SGCZ: variants seen among roughly 807,000 people sequenced by gnomAD.
SGCZ encodes the protein sarcoglycan zeta.
A neutral mutation model predicts 41.3 loss-of-function variants in SGCZ; 40 were observed. The ratio of observed to expected loss-of-function variants is 0.97; its 90% CI spans 0.75 to 1.26. The LOEUF (loss-of-function observed/expected upper bound fraction) is 1.26, where lower values mean the gene tolerates loss of function less well. Among genes scored for constraint, SGCZ ranks in the 50% most tolerant of loss-of-function variants. The pLI, the probability that SGCZ is intolerant of heterozygous loss-of-function variation, is 0.00. For missense variants in SGCZ, 552 were observed against 369.8 expected (o/e 1.49, Z -4.04); for synonymous variants, 206 against 137.5 (o/e 1.50, Z -3.49).
At chr8:14,144,516 C>G (rs1417512623) in intron 5 of SGCZ, among the ~76,000 whole-genome samples, 3 of 152,210 alleles carry the variant, frequency 2.0e-5, no homozygotes, top group Non-Finnish European at 4.4e-5. Flanking sequence ...GATGTTGAGA[C>G]ATGGTGGCTT....
At chr8:14,618,258 T>C (rs1181516104) in intron 1 of SGCZ, among the ~76,000 whole-genome samples, 1 of 152,154 alleles carries the variant, frequency 6.6e-6, no homozygotes, top group Non-Finnish European at 1.5e-5. Context: ...ACAAGGTCTT[T>C]GGAGGAAAGA....
intron 1 of SGCZ, among the ~76,000 whole-genome samples, chr8:14,838,301 G>A (rs914745738): frequency 1.6e-4 from 24 of 152,064 alleles, no homozygotes; most frequent in Non-Finnish European, 3.4e-4. Context: ...TTGATGTTTG[G>A]TATCTTAAAA....
chr8:15,016,839 G>T (rs1172324201), intron 1 of SGCZ, among the ~76,000 whole-genome samples: 1 of 152,076 alleles, frequency 6.6e-6, no homozygotes, highest in Non-Finnish European at 1.5e-5. Context: ...ATGGTGGAAG[G>T]CAAAGGGAAT....
chr8:14,426,223 T>C (rs1160039851), intron 2 of SGCZ, among the ~76,000 whole-genome samples: 2 of 152,128 alleles, frequency 1.3e-5, no homozygotes, highest in East Asian at 3.9e-4. Flanking sequence ...ACTATACAAG[T>C]CTAAGAAATA....
intron 2 of SGCZ, among the ~76,000 whole-genome samples, chr8:14,514,789 G>A (rs1448148220): frequency 2.8e-5 from 1 of 35,840 alleles, no homozygotes; most frequent in African/African-American, 1.9e-4. Flanking sequence ...GTAAATGTGT[G>A]TGTGTGTGTG....
At chr8:14,583,408 C>T (rs1804958350) in intron 1 of SGCZ, among the ~76,000 whole-genome samples, 1 of 152,006 alleles carries the variant, frequency 6.6e-6, no homozygotes, top group Admixed American at 6.6e-5. Context: ...GATATTAGCC[C>T]TTTGTCAGAT....
chr8:14,696,351 C>G (rs12544512), intron 1 of SGCZ, among the ~76,000 whole-genome samples: 28,389 of 151,994 alleles, frequency 0.19, 3,424 homozygotes, highest in East Asian at 0.45. Context: ...TCTCCCCTGA[C>G]TGAGTGAGAC....
chr8:14,107,456 C>T (rs996546989), intron 6 of SGCZ, among the ~76,000 whole-genome samples: 2 of 152,090 alleles, frequency 1.3e-5, no homozygotes, highest in African/African-American at 4.8e-5. Flanking sequence ...TGAGGAACCC[C>T]ATCATAGTCC....
At chr8:14,542,831 A>C (rs1479797834) in intron 2 of SGCZ, among the ~76,000 whole-genome samples, 3 of 152,072 alleles carry the variant, frequency 2.0e-5, no homozygotes, top group African/African-American at 7.2e-5. Flanking sequence ...CATCATTTTT[A>C]GATCTCTCTG....
chr8:15,011,192 A>C (rs968923630), intron 1 of SGCZ, among the ~76,000 whole-genome samples: 1 of 152,200 alleles, frequency 6.6e-6, no homozygotes, highest in Non-Finnish European at 1.5e-5. Flanking sequence ...TATCCTACAT[A>C]GTTAAAGTAG....
At chr8:15,219,813 A>C (rs117924223) in intron 1 of SGCZ, among the ~76,000 whole-genome samples, 4,153 of 152,320 alleles carry the variant, frequency 0.027, 98 homozygotes, top group Middle Eastern at 0.044. Flanking sequence ...CCAGTTTTCC[A>C]AAGCAACTTT....
At chr8:15,167,403 T>C (rs894903418) in intron 1 of SGCZ, among the ~76,000 whole-genome samples, 2 of 152,018 alleles carry the variant, frequency 1.3e-5, no homozygotes, top group African/African-American at 4.8e-5. Context: ...GTAAAGACTG[T>C]CACTTTCTAA....
intron 1 of SGCZ, among the ~76,000 whole-genome samples, chr8:14,772,001 C>A (rs1333354646): frequency 6.6e-6 from 1 of 152,088 alleles, no homozygotes; most frequent in African/African-American, 2.4e-5. Flanking sequence ...GATGATTTTT[C>A]AACTTTACAA....
Position 14,440,433 on chromosome 8 carries a change from G to A in SGCZ, c.234+114299C>T, listed in dbSNP as rs183362923. On this transcript the variant is annotated intron_variant, in intron 2 of 7. Coordinates refer to ENST00000382080, the MANE Select transcript of SGCZ (RefSeq NM_139167.4). ...ATTACATTTTGTCACACTTTTTTCCGCCTGGGTTTGTTGGCCAGAACACAA... is the reference window on the plus strand; with the variant it reads ...ATTACATTTTGTCACACTTTTTTCCACCTGGGTTTGTTGGCCAGAACACAA... 1.1e-3 allele frequency among the ~76,000 whole-genome samples: 161 copies of A among 151,890 alleles called. 2 individuals carry two copies. The highest frequency in any genetic ancestry group is 2.7e-3 in the African/African-American group (112 of 41,434).
At chr8:14,449,277 A>T (rs1271573974) in intron 2 of SGCZ, among the ~76,000 whole-genome samples, 1 of 152,202 alleles carries the variant, frequency 6.6e-6, no homozygotes, top group African/African-American at 2.4e-5. Context: ...TTGGGTTCAC[A>T]TTGGCCTGGA....
chr8:14,942,070 C>T (rs1425213067), intron 1 of SGCZ, among the ~76,000 whole-genome samples: 1 of 151,800 alleles, frequency 6.6e-6, no homozygotes, highest in African/African-American at 2.4e-5. Flanking sequence ...CATTAGGAAC[C>T]CCCAGCAGGA....
chr8:14,308,776 C>G (rs958956930), intron 3 of SGCZ, among the ~76,000 whole-genome samples: 23 of 152,138 alleles, frequency 1.5e-4, no homozygotes, highest in African/African-American at 5.5e-4. Context: ...TTGTAACACA[C>G]TATTTCTCAG....
Position 14,757,623 on chromosome 8 carries a change from T to C in SGCZ, c.40-202697A>G, listed in dbSNP as rs573712746. ...ACTTGCCAGATCAAGTTGTTCTGAG[T>C]ACCGGGTAGCATGATAGAGAAAAGA... On this transcript the variant is annotated intron_variant, in intron 1 of 7. Transcript: ENST00000382080. Among the ~76,000 whole-genome samples, 95 of 152,288 alleles carry C rather than the reference T, an allele frequency of 6.2e-4. 1 individual carries two copies. The South Asian group carries it at 7.5e-3, about 12-fold the overall frequency.
At position 15,156,654 on chromosome 8, in the gene SGCZ, C is replaced by T. The variant is rs116775015; in HGVS notation, c.39+80931G>A. 6.1e-3 allele frequency among the ~76,000 whole-genome samples: 925 copies of T among 152,222 alleles called. 12 individuals are homozygous for T. The highest frequency in any genetic ancestry group is 0.021 in the African/African-American group (858 of 41,554). On this transcript the variant is annotated intron_variant, in intron 1 of 7. Coordinates refer to ENST00000382080, the MANE Select transcript of SGCZ (RefSeq NM_139167.4). ...GCAATACATACCAATGTAAAGAAAG[C>T]ACTTCTCGGCCAGGCGCGGTGGCTC...
Sources: allele counts gnomAD v4.1 joint callset (sites outside exome capture counted in the v4.1 genomes callset), GRCh38; gene constraint gnomAD v4.1.1; transcripts MANE v1.5; gene names NCBI Gene and HGNC (gene_info 2026-07-23, HGNC 2026-07-21).